Variants in RANBP2 observed in about 807,000 individuals in gnomAD.
RANBP2 encodes RAN binding protein 2.
In RANBP2, 57 loss-of-function variants were observed where a neutral mutation model predicts 303.6. That is an observed-to-expected ratio of 0.19 (90% confidence interval 0.15 to 0.23). The LOEUF is 0.23. Ranked by LOEUF, RANBP2 falls within the 10% of genes least tolerant of loss-of-function variation. RANBP2 has a pLI of 1.00. For missense variants in RANBP2, 3,138 were observed against 3,780.8 expected (o/e 0.83, Z 4.46); for synonymous variants, 1,167 against 1,301.5 (o/e 0.90, Z 2.23).
chr2:108,793,269 C>T, the RANBP2 span, among the ~76,000 whole-genome samples: 4 of 150,334 alleles, frequency 2.7e-5, no homozygotes, highest in African/African-American at 9.8e-5. Flanking sequence ...GGAGGCGGAG[C>T]TTACAGTGAG....
chr2:109,592,810 G>GA, the RANBP2 span, among the ~76,000 whole-genome samples: 7 of 149,858 alleles, frequency 4.7e-5, no homozygotes, highest in East Asian at 2.0e-4. Context: ...AAAAGAAACA[G>GA]AAAAAAAAAT....
At chr2:108,924,518 G>A in the RANBP2 span, among the ~76,000 whole-genome samples, 1 of 152,220 alleles carries the variant, frequency 6.6e-6, no homozygotes, top group South Asian at 2.1e-4. Context: ...ACTGGGATGA[G>A]AAGGAATATT....
At chr2:109,151,491 G>C in the RANBP2 span, among the ~76,000 whole-genome samples, 2 of 152,316 alleles carry the variant, frequency 1.3e-5, no homozygotes, top group Non-Finnish European at 1.5e-5. Flanking sequence ...TGGTAGCCAC[G>C]TCACAAATGG....
chr2:109,251,683 C>G, the RANBP2 span: 2 of 1,162,684 alleles, frequency 1.7e-6, no homozygotes, highest in East Asian at 2.4e-5. Context: ...CCCATGTCCT[C>G]TCTTCATAGG....
At chr2:109,565,929 TGAGA>T in the RANBP2 span, 1 of 1,315,266 alleles carries the variant, frequency 7.6e-7, no homozygotes, top group South Asian at 1.2e-5. Context: ...AAATTTTATG[TGAGA>T]GAGAAGAGAA....
chr2:108,911,161 C>T, the RANBP2 span: 12 of 1,529,742 alleles, frequency 7.8e-6, no homozygotes, highest in Admixed American at 1.5e-4. Context: ...AAGCAATGGC[C>T]CTGCCCCTGG....
chr2:109,228,092 C>T, the RANBP2 span, among the ~76,000 whole-genome samples: 1 of 152,200 alleles, frequency 6.6e-6, no homozygotes, highest in Non-Finnish European at 1.5e-5. Flanking sequence ...CTTTTACTCT[C>T]TCTTGACACA....
chr2:108,810,955 G>A, the RANBP2 span, among the ~76,000 whole-genome samples: 3 of 151,988 alleles, frequency 2.0e-5, no homozygotes, highest in Non-Finnish European at 2.9e-5. Flanking sequence ...TAGGTTTTCC[G>A]GTTTGTTGGC....
chr2:108,949,190 G>A, the RANBP2 span, among the ~76,000 whole-genome samples: 2,562 of 152,104 alleles, frequency 0.017, 61 homozygotes, highest in African/African-American at 0.057. Flanking sequence ...CCATGTTGCC[G>A]ACACTGGTGG....
chr2:109,199,013 C>T, the RANBP2 span, among the ~76,000 whole-genome samples: 14 of 152,094 alleles, frequency 9.2e-5, no homozygotes, highest in Admixed American at 2.6e-4. Context: ...ACTGTATTTA[C>T]ATGGTGGCCT....
the RANBP2 span, among the ~76,000 whole-genome samples, chr2:109,111,879 G>A: frequency 4.0e-5 from 6 of 150,082 alleles, no homozygotes; most frequent in Admixed American, 6.7e-5. Flanking sequence ...GAGAATATGC[G>A]GTGTTTGTTT....
the RANBP2 span, among the ~76,000 whole-genome samples, chr2:109,592,061 A>C: frequency 3.9e-5 from 6 of 152,320 alleles, 1 homozygote; most frequent in African/African-American, 1.4e-4. Context: ...TTAGAAGCAT[A>C]AGGTGTAATC....
chr2:108,955,956 G>C, the RANBP2 span, among the ~76,000 whole-genome samples: 1 of 152,164 alleles, frequency 6.6e-6, no homozygotes, highest in Non-Finnish European at 1.5e-5. Context: ...GGGAACCCAG[G>C]AGGTGGAGCT....
At chr2:108,938,347 G>C in the RANBP2 span, among the ~76,000 whole-genome samples, 3 of 152,194 alleles carry the variant, frequency 2.0e-5, no homozygotes, top group Non-Finnish European at 4.4e-5. Flanking sequence ...GGGCTTCTCA[G>C]AATGCTAATT....
At chr2:108,991,846 G>A in the RANBP2 span, among the ~76,000 whole-genome samples, 35 of 152,152 alleles carry the variant, frequency 2.3e-4, no homozygotes, top group African/African-American at 6.5e-4. Flanking sequence ...TTGCTCTCTC[G>A]CCCAGACTGG....
the RANBP2 span, among the ~76,000 whole-genome samples, chr2:109,517,807 G>T: frequency 6.6e-6 from 1 of 152,336 alleles, no homozygotes; most frequent in African/African-American, 2.4e-5. Context: ...CCACAAACAC[G>T]AGGCCTGGTG....
chr2:109,265,558 C>T, the RANBP2 span, among the ~76,000 whole-genome samples: 4 of 152,318 alleles, frequency 2.6e-5, no homozygotes, highest in East Asian at 5.8e-4. Flanking sequence ...GCCCAGGTCT[C>T]CTTCAGGGCA....
chr2:109,268,612 T>C, the RANBP2 span, among the ~76,000 whole-genome samples: 1 of 152,232 alleles, frequency 6.6e-6, no homozygotes, highest in Non-Finnish European at 1.5e-5. Flanking sequence ...GAACAATTTT[T>C]AACTTCAAGA....
chr2:108,793,568 T>A, the RANBP2 span, among the ~76,000 whole-genome samples: 5 of 152,000 alleles, frequency 3.3e-5, no homozygotes, highest in African/African-American at 1.2e-4. Flanking sequence ...TGCTACTACT[T>A]ATATACCCTC....
Sources: allele counts gnomAD v4.1 joint callset (sites outside exome capture counted in the v4.1 genomes callset), GRCh38; gene constraint gnomAD v4.1.1; transcripts MANE v1.5; gene names NCBI Gene and HGNC (gene_info 2026-07-23, HGNC 2026-07-21).